Variants in DLGAP2 observed in about 807,000 individuals in gnomAD.
DLGAP2 encodes the protein DLG associated protein 2, also known as disks large-associated protein 2.
DLGAP2 carries 26 observed loss-of-function variants against 100.3 expected under a neutral mutation model. The observed-to-expected ratio is 0.26, with a 90% CI of 0.19 to 0.36. DLGAP2 has a LOEUF of 0.36. Among genes scored for constraint, DLGAP2 ranks in the 10% least tolerant of loss-of-function variants. The pLI is 1.00. For synonymous variants in DLGAP2, 886 were observed against 630.1 expected (o/e 1.41, Z -6.08); for missense variants, 1,858 against 1,453.2 (o/e 1.28, Z -4.53).
chr8:1,229,943 C>T (rs1022279609), intron 2 of DLGAP2, among the ~76,000 whole-genome samples: 4 of 152,156 alleles, frequency 2.6e-5, no homozygotes, highest in Admixed American at 2.0e-4. Flanking sequence ...TGGAAGCATT[C>T]CCCTTGAGAA....
chr8:1,365,956 G>T (rs1367758642), intron 3 of DLGAP2, among the ~76,000 whole-genome samples: 1 of 152,236 alleles, frequency 6.6e-6, no homozygotes, highest in African/African-American at 2.4e-5. Flanking sequence ...TCTTTGTGGA[G>T]AAATTGCTCA....
At chr8:1,273,852 A>G (rs763875421) in intron 3 of DLGAP2, among the ~76,000 whole-genome samples, 9 of 152,186 alleles carry the variant, frequency 5.9e-5, no homozygotes, top group Non-Finnish European at 1.0e-4. Flanking sequence ...AGAATTCCAA[A>G]TGGGAGACTT....
intron 1 of DLGAP2, among the ~76,000 whole-genome samples, chr8:863,709 A>G (rs80109352): frequency 0.042 from 6,467 of 152,294 alleles, 212 homozygotes; most frequent in African/African-American, 0.083. Context: ...GGCTTTCACC[A>G]AAAAGACAAA....
chr8:1,443,250 A>G (rs906723748), intron 3 of DLGAP2, among the ~76,000 whole-genome samples: 1 of 151,632 alleles, frequency 6.6e-6, no homozygotes, highest in Admixed American at 6.6e-5. Context: ...AGATAATCGC[A>G]GGTAACATTT....
At chr8:948,455 G>A (rs891037073) in intron 2 of DLGAP2, among the ~76,000 whole-genome samples, 1 of 152,216 alleles carries the variant, frequency 6.6e-6, no homozygotes, top group Non-Finnish European at 1.5e-5. Flanking sequence ...CCTCAGGCCC[G>A]GCCTCCATCT....
chr8:1,668,251 A>G (rs1798594300), intron 8 of DLGAP2, 78 bp from the exon 9 acceptor site: 2 of 1,332,760 alleles, frequency 1.5e-6, no homozygotes, highest in South Asian at 1.6e-5. Context: ...ACCACAGGGC[A>G]TGGGCGTGGG....
chr8:1,046,012 G>A (rs938406683), intron 2 of DLGAP2, among the ~76,000 whole-genome samples: 3 of 152,004 alleles, frequency 2.0e-5, no homozygotes, highest in Non-Finnish European at 4.4e-5. Flanking sequence ...GAGGGGGAAA[G>A]TGAGAGAATG....
chr8:1,482,215 C>G (rs1470158882), intron 3 of DLGAP2, among the ~76,000 whole-genome samples: 1 of 152,178 alleles, frequency 6.6e-6, no homozygotes, highest in East Asian at 1.9e-4. Flanking sequence ...TTTTGAGATT[C>G]AGAACACTTG....
At chr8:1,684,590 T>A (rs766156841) in intron 12 of DLGAP2, among the ~76,000 whole-genome samples, 2 of 152,246 alleles carry the variant, frequency 1.3e-5, no homozygotes, top group Middle Eastern at 6.8e-3. Flanking sequence ...GAATCTAGAT[T>A]CAGTCAGTCT....
At chr8:1,182,293 T>A (rs537709992) in intron 2 of DLGAP2, among the ~76,000 whole-genome samples, 12 of 152,236 alleles carry the variant, frequency 7.9e-5, no homozygotes, top group Non-Finnish European at 1.8e-4. Context: ...CAAAGCTGTG[T>A]TCACCTGAGG....
intron 4 of DLGAP2, among the ~76,000 whole-genome samples, chr8:1,528,573 T>G (rs1800875653): frequency 6.6e-6 from 1 of 152,218 alleles, no homozygotes; most frequent in East Asian, 1.9e-4. Context: ...CCCAGGTGAT[T>G]CTCATGCTGA....
In DLGAP2 at chr8:1,267,635, A is replaced by AAAAAT. The variant is rs1563052144; in HGVS notation, c.106+8752_106+8753insAAAAT. ...AGATAAGATAAGATAAATATTAAAT[A>AAAAAT]GGTCTACAAAAAGGCCTCCAGGGTC... On this transcript the variant is annotated intron_variant, in intron 3 of 14. Coordinates refer to ENST00000637795, the MANE Select transcript of DLGAP2 (RefSeq NM_001346810.2). Among the ~76,000 whole-genome samples, 331 of 113,024 alleles carry AAAAAT rather than the reference A, an allele frequency of 2.9e-3. 46 individuals carry two copies. The highest frequency in any genetic ancestry group is 0.011 in the African/African-American group (305 of 28,180). 74.1% of individuals were successfully genotyped at this position (113,024 alleles called of 152,430 possible).
At chr8:915,511 C>G (rs1220726453) in intron 2 of DLGAP2, among the ~76,000 whole-genome samples, 1 of 151,402 alleles carries the variant, frequency 6.6e-6, no homozygotes, top group Non-Finnish European at 1.5e-5. Context: ...CGCACCACTG[C>G]ACTCCAGCCT....
intron 2 of DLGAP2, among the ~76,000 whole-genome samples, chr8:1,151,762 A>G (rs1796701811): frequency 1.3e-5 from 2 of 152,166 alleles, no homozygotes; most frequent in Non-Finnish European, 1.5e-5. Flanking sequence ...AGGATCAGGC[A>G]TTTAGGTTGT....
chr8:1,481,351 G>A (rs1397099175), intron 3 of DLGAP2, among the ~76,000 whole-genome samples: 1 of 152,048 alleles, frequency 6.6e-6, no homozygotes, highest in Non-Finnish European at 1.5e-5. Context: ...CAGCCTGGAG[G>A]TGGAGATAGA....
chr8:1,597,266 G>A (rs1481495904), intron 6 of DLGAP2, among the ~76,000 whole-genome samples: 1 of 152,100 alleles, frequency 6.6e-6, no homozygotes, highest in Non-Finnish European at 1.5e-5. Context: ...GGTTACTGTG[G>A]CCTTGTAGTA....
chr8:811,138 A>G (rs1262063400), intron 1 of DLGAP2, among the ~76,000 whole-genome samples: 1 of 152,232 alleles, frequency 6.6e-6, no homozygotes, highest in Non-Finnish European at 1.5e-5. Flanking sequence ...GTGCTGGTGA[A>G]GCTCACTCCA....
intron 3 of DLGAP2, among the ~76,000 whole-genome samples, chr8:1,432,308 T>C (rs1797474491): frequency 6.6e-6 from 1 of 152,216 alleles, no homozygotes; most frequent in South Asian, 2.1e-4. Flanking sequence ...AAATTTAATC[T>C]GAGAAACTGC....
At position 817,781 on chromosome 8, in the gene DLGAP2, C is replaced by G. The variant is rs555498837; in HGVS notation, c.18+79956C>G. Among the ~76,000 whole-genome samples the G allele has an allele frequency of 2.0e-5, 3 of 152,272 alleles. No individual in the cohort carries two copies. In the South Asian group the frequency reaches 6.2e-4, roughly 32 times the overall value. On this transcript the variant is annotated intron_variant, in intron 1 of 14. Coordinates refer to ENST00000637795, the MANE Select transcript of DLGAP2 (RefSeq NM_001346810.2). ...GGAGCTACTAGGCTCTGAGCTGGTG[C>G]TGGGGGTGTCTGCAGAGTCCTGTGA... is the stretch of plus-strand genomic sequence containing the variant.
Sources: gnomAD v4.1 joint callset for allele counts (sites outside exome capture counted in the v4.1 genomes callset) on GRCh38, gnomAD v4.1.1 for gene constraint, MANE v1.5 for transcripts, NCBI Gene and HGNC (gene_info 2026-07-23, HGNC 2026-07-21) for gene names.